AGR3: variants seen among roughly 807,000 people sequenced by gnomAD.
AGR3 encodes anterior gradient protein 3.
AGR3 carries 37 observed loss-of-function variants against 24.5 expected under a neutral mutation model. The observed-to-expected ratio is 1.51, with a 90% CI of 1.16 to 1.99. AGR3 has a LOEUF of 1.99. Among genes scored for constraint, AGR3 ranks in the 30% most tolerant of loss-of-function variants. The pLI, the probability that AGR3 is intolerant of heterozygous loss-of-function variation, is 0.00. For synonymous variants in AGR3, 75 were observed against 61.6 expected (o/e 1.22, Z -1.02); for missense variants, 228 against 191.1 (o/e 1.19, Z -1.14).
At chr7:16,880,407 T>A (rs1284455832) in intron 1 of AGR3, among the ~76,000 whole-genome samples, 2 of 151,876 alleles carry the variant, frequency 1.3e-5, no homozygotes, top group African/African-American at 4.8e-5. Context: ...ATGATCCAAC[T>A]GCTTCGGCCT....
At chr7:16,880,648 G>A (rs943696577) in intron 1 of AGR3, among the ~76,000 whole-genome samples, 5 of 149,600 alleles carry the variant, frequency 3.3e-5, no homozygotes, top group South Asian at 2.1e-4. Context: ...CAATTATCAC[G>A]GTGCCTGATA....
At chr7:16,869,604 G>T (rs1177262751) in intron 3 of AGR3, among the ~76,000 whole-genome samples, 1 of 151,118 alleles carries the variant, frequency 6.6e-6, no homozygotes, top group Admixed American at 6.6e-5. Context: ...GCACACATTT[G>T]TAGTCCTAGC....
chr7:16,880,080 TCTTTCC>T (rs1434892782), intron 1 of AGR3, among the ~76,000 whole-genome samples: 12 of 139,336 alleles, frequency 8.6e-5, no homozygotes, highest in African/African-American at 1.4e-4. Context: ...TCCCCTTCCT[TCTTTCC>T]CCTTCCTTCC....
intron 1 of AGR3, among the ~76,000 whole-genome samples, chr7:16,878,855 A>G (rs987231720): frequency 6.6e-6 from 1 of 152,194 alleles, no homozygotes; most frequent in African/African-American, 2.4e-5. Flanking sequence ...GTGAGAAGTC[A>G]TGTTCTGAGC....
intron 2 of AGR3, among the ~76,000 whole-genome samples, chr7:16,874,696 T>A (rs996506809): frequency 3.3e-5 from 5 of 152,186 alleles, no homozygotes; most frequent in Non-Finnish European, 7.3e-5. Flanking sequence ...GGCTTTAATA[T>A]CATGGTAAAT....
At chr7:16,864,901 G>A (rs1781724890) in intron 3 of AGR3, 2 of 892,332 alleles carry the variant, frequency 2.2e-6, no homozygotes, top group Admixed American at 3.4e-5. Flanking sequence ...AAATTCACTG[G>A]CTCTCACAAT....
chr7:16,855,246 T>C (rs1781540196), downstream of AGR3, among the ~76,000 whole-genome samples: 1 of 152,152 alleles, frequency 6.6e-6, no homozygotes, highest in South Asian at 2.1e-4. Flanking sequence ...TATTTCCAAA[T>C]AGGAAATACC....
At chr7:16,865,271 T>A (rs996932831) in intron 3 of AGR3, 1 of 999,056 alleles carries the variant, frequency 1.0e-6, no homozygotes, top group Non-Finnish European at 1.5e-6. Flanking sequence ...TGTTTTCTCC[T>A]TTTGAAGAAG....
intron 1 of AGR3, among the ~76,000 whole-genome samples, chr7:16,879,222 G>C: frequency 6.6e-6 from 1 of 152,020 alleles, no homozygotes; most frequent in South Asian, 2.1e-4. Context: ...TCAGACTTTT[G>C]CCCTTCAGTT....
In AGR3 at chr7:16,861,983, C is replaced by T. The variant is rs1583835283; in HGVS notation, c.303+1G>A. ...AAGAAAACATCACAAAGTTTATGTA[C>T]CATAAGGTTTAGCATGATGAACTTA... On this transcript the variant is annotated splice_donor_variant, in intron 5 of 7. Coordinates refer to ENST00000310398, the MANE Select transcript of AGR3 (RefSeq NM_176813.5). LOFTEE classifies it high-confidence loss of function. The T allele has an allele frequency of 1.2e-6, 2 of 1,606,186 alleles. No individual in the cohort carries two copies. Among genetic ancestry groups the T allele is most frequent in the East Asian group, 2.2e-5 (1 of 44,764 alleles).
rs764209238 is a variant in AGR3 at position 16,873,838 on chromosome 7, C to G, written c.115G>C (p.Gly39Arg). 1 of 1,612,234 alleles carries G rather than the reference C, an allele frequency of 6.2e-7. No homozygotes were observed. The highest frequency in any genetic ancestry group is 1.7e-5 in the Admixed American group (1 of 60,002). Residue 39 changes from glycine (G) to arginine (R), a missense_variant, in exon 3 of 8, where the codon GGA (glycine) becomes CGA (arginine). Coordinates refer to ENST00000310398, the MANE Select transcript of AGR3 (RefSeq NM_176813.5). Reference sequence around the variant, plus strand: ...GTTTGTACCCAAGTGATGTCATCTCCCCATCCTGAAATAGAAGAGAGAAAT... The same window carrying G: ...GTTTGTACCCAAGTGATGTCATCTCGCCATCCTGAAATAGAAGAGAGAAAT... The part of the protein sequence containing the change: ...RPPQTLSRGW[G>R]DDITWVQTYE...
intron 2 of AGR3, among the ~76,000 whole-genome samples, chr7:16,876,762 GT>G (rs1267822507): frequency 2.6e-5 from 4 of 152,258 alleles, no homozygotes; most frequent in African/African-American, 9.6e-5. Context: ...CCTTTAAGTT[GT>G]TTAAAATAGG....
chr7:16,869,649 C>G (rs1392002812), intron 3 of AGR3, among the ~76,000 whole-genome samples: 1 of 149,800 alleles, frequency 6.7e-6, no homozygotes, highest in Non-Finnish European at 1.5e-5. Flanking sequence ...ATCGCTTGAG[C>G]CTATAGTTGG....
chr7:16,865,315 C>T, intron 3 of AGR3: 1 of 1,161,032 alleles, frequency 8.6e-7, no homozygotes, highest in Non-Finnish European at 1.3e-6. Context: ...CTTCTCATAT[C>T]ACCAGAACAT....
intron 3 of AGR3, among the ~76,000 whole-genome samples, chr7:16,869,363 G>T: frequency 6.6e-6 from 1 of 151,960 alleles, no homozygotes; most frequent in East Asian, 1.9e-4. Context: ...ACTTTGTTTT[G>T]TTTTGTTTTG....
intron 3 of AGR3, chr7:16,865,031 A>G: frequency 3.6e-6 from 3 of 825,274 alleles, no homozygotes; most frequent in Non-Finnish European, 6.5e-6. Context: ...TATCCTGTTC[A>G]TATTCTGATA....
downstream of AGR3, among the ~76,000 whole-genome samples, chr7:16,855,293 A>G (rs1388432624): frequency 6.6e-6 from 1 of 152,200 alleles, no homozygotes; most frequent in Non-Finnish European, 1.5e-5. Flanking sequence ...ACTTCAACCT[A>G]TAATTTTTTT....
chr7:16,875,743 G>T (rs1043836077), intron 2 of AGR3, among the ~76,000 whole-genome samples: 1 of 149,002 alleles, frequency 6.7e-6, no homozygotes, highest in African/African-American at 2.5e-5. Flanking sequence ...TTTGTTTTTT[G>T]TTTTTTTTTG....
At chr7:16,864,300 A>G (rs2115302121) in intron 3 of AGR3, 2 of 1,355,966 alleles carry the variant, frequency 1.5e-6, no homozygotes, top group Admixed American at 1.7e-5. Context: ...CTATTATTAT[A>G]TTTTCTTCCA....
Sources: allele counts gnomAD v4.1 joint callset (sites outside exome capture counted in the v4.1 genomes callset), GRCh38; gene constraint gnomAD v4.1.1; transcripts MANE v1.5; gene names NCBI Gene and HGNC (gene_info 2026-07-23, HGNC 2026-07-21).